The following CTNND2 variants were observed in gnomAD, a reference collection of about 807,000 sequenced individuals.
CTNND2 encodes the protein catenin delta 2, also known as catenin delta-2.
CTNND2 carries 22 observed loss-of-function variants against 144.4 expected under a neutral mutation model. The ratio of observed to expected loss-of-function variants is 0.15; its 90% CI spans 0.11 to 0.22. CTNND2 has a LOEUF of 0.22. Ranked by LOEUF, CTNND2 falls within the 10% of genes least tolerant of loss-of-function variation. CTNND2 has a pLI of 1.00. For missense variants in CTNND2, 1,353 were observed against 1,618.8 expected (o/e 0.84, Z 2.82); for synonymous variants, 751 against 695.6 (o/e 1.08, Z -1.25).
At chr5:11,669,210 T>C (rs1398107099) in intron 2 of CTNND2, among the ~76,000 whole-genome samples, 1 of 152,208 alleles carries the variant, frequency 6.6e-6, no homozygotes, top group African/African-American at 2.4e-5. Flanking sequence ...ATCAGGGATA[T>C]TGGCCTAAAA....
intron 14 of CTNND2, among the ~76,000 whole-genome samples, chr5:11,107,283 T>C (rs1220665361): frequency 6.6e-6 from 1 of 152,264 alleles, no homozygotes; most frequent in African/African-American, 2.4e-5. Context: ...TTATCATTAA[T>C]ATCTACTTTG....
chr5:11,310,469 C>T (rs1384596334), intron 9 of CTNND2, among the ~76,000 whole-genome samples: 1 of 151,972 alleles, frequency 6.6e-6, no homozygotes, highest in African/African-American at 2.4e-5. Context: ...TCTTTTGCGA[C>T]AGCTCACAGA....
chr5:11,725,596 G>GT, intron 2 of CTNND2, among the ~76,000 whole-genome samples: 1 of 152,222 alleles, frequency 6.6e-6, no homozygotes, highest in South Asian at 2.1e-4. Flanking sequence ...AGGTTGTGTA[G>GT]TGTAGTGGGG....
intron 11 of CTNND2, among the ~76,000 whole-genome samples, chr5:11,176,503 C>G (rs769244378): frequency 2.0e-5 from 3 of 152,148 alleles, no homozygotes; most frequent in Non-Finnish European, 4.4e-5. Flanking sequence ...TAGTCATTCA[C>G]TTTACCAAGT....
intron 8 of CTNND2, among the ~76,000 whole-genome samples, chr5:11,348,145 T>G (rs61750698): frequency 2.0e-5 from 3 of 152,180 alleles, no homozygotes; most frequent in Non-Finnish European, 4.4e-5. Context: ...GTTGTCCTGA[T>G]GTGTTAAGTC....
chr5:11,473,592 A>G (rs27686), intron 3 of CTNND2, among the ~76,000 whole-genome samples: 1 of 152,004 alleles, frequency 6.6e-6, no homozygotes, highest in African/African-American at 2.4e-5. Context: ...CTCAACAACT[A>G]CAGGAAATGG....
intron 9 of CTNND2, among the ~76,000 whole-genome samples, chr5:11,296,225 T>C (rs564523361): frequency 6.6e-6 from 1 of 151,910 alleles, no homozygotes; most frequent in East Asian, 1.9e-4. Context: ...AAAAAACACA[T>C]GAAAAAATGC....
chr5:11,442,825 GATT>G (rs1764387074), intron 3 of CTNND2, among the ~76,000 whole-genome samples: 1 of 143,996 alleles, frequency 6.9e-6, no homozygotes. Context: ...AATATATAAT[GATT>G]ATATTATAAT....
At chr5:10,978,802 T>C (rs547498415) in intron 21 of CTNND2, among the ~76,000 whole-genome samples, 3 of 152,362 alleles carry the variant, frequency 2.0e-5, no homozygotes, top group African/African-American at 7.2e-5. Flanking sequence ...AGAAAGGCTA[T>C]GGCTAGGTGG....
At chr5:11,415,476 C>T (rs11954794) in intron 3 of CTNND2, among the ~76,000 whole-genome samples, 6 of 151,944 alleles carry the variant, frequency 3.9e-5, no homozygotes, top group Non-Finnish European at 8.8e-5. Context: ...TTTGTTGGTG[C>T]GTGCCTCTAT....
At chr5:11,482,335 T>G (rs549469624) in intron 3 of CTNND2, among the ~76,000 whole-genome samples, 26 of 152,082 alleles carry the variant, frequency 1.7e-4, no homozygotes, top group Admixed American at 7.2e-4. Context: ...CACCTACACA[T>G]ACAAAATGAA....
chr5:11,471,074 T>C (rs1581266443), intron 3 of CTNND2, among the ~76,000 whole-genome samples: 2 of 149,360 alleles, frequency 1.3e-5, no homozygotes, highest in Admixed American at 1.3e-4. Flanking sequence ...GCCTCCCAGG[T>C]TCAAACCATT....
chr5:11,323,102 A>G (rs1245017759), intron 9 of CTNND2, among the ~76,000 whole-genome samples: 1 of 152,130 alleles, frequency 6.6e-6, no homozygotes, highest in Non-Finnish European at 1.5e-5. Context: ...ACTATGGCAC[A>G]GTCACATCTC....
intron 6 of CTNND2, among the ~76,000 whole-genome samples, chr5:11,394,565 C>T (rs1759904815): frequency 6.6e-6 from 1 of 152,186 alleles, no homozygotes; most frequent in Non-Finnish European, 1.5e-5. Flanking sequence ...GGGTAGTCTA[C>T]TCTCTCTCCT....
intron 3 of CTNND2, among the ~76,000 whole-genome samples, chr5:11,467,316 T>G (rs1766773935): frequency 6.6e-6 from 1 of 152,210 alleles, no homozygotes; most frequent in Non-Finnish European, 1.5e-5. Flanking sequence ...TCCTGCATGG[T>G]TTCTGCTCGT....
intron 2 of CTNND2, among the ~76,000 whole-genome samples, chr5:11,670,907 T>C (rs1174688671): frequency 6.6e-6 from 1 of 152,174 alleles, no homozygotes; most frequent in Admixed American, 6.6e-5. Context: ...TTTGTAGTGG[T>C]TGGTACTGGT....
intron 16 of CTNND2, among the ~76,000 whole-genome samples, chr5:11,059,558 T>G (rs1746714757): frequency 6.6e-6 from 1 of 152,232 alleles, no homozygotes; most frequent in African/African-American, 2.4e-5. Flanking sequence ...GAAAACGAAC[T>G]AATACAGTCT....
At chr5:11,659,249 T>A (rs557483450) in intron 2 of CTNND2, among the ~76,000 whole-genome samples, 1 of 152,276 alleles carries the variant, frequency 6.6e-6, no homozygotes, top group South Asian at 2.1e-4. Flanking sequence ...TGATCTGATG[T>A]ATACAGGAGA....
At chr5:11,170,609 C>A (rs1759808265) in intron 11 of CTNND2, among the ~76,000 whole-genome samples, 1 of 152,026 alleles carries the variant, frequency 6.6e-6, no homozygotes, top group Non-Finnish European at 1.5e-5. Context: ...CACACAGCTA[C>A]AACCTTCTGT....
Sources: allele counts gnomAD v4.1 joint callset (sites outside exome capture counted in the v4.1 genomes callset), GRCh38; gene constraint gnomAD v4.1.1; transcripts MANE v1.5; gene names NCBI Gene and HGNC (gene_info 2026-07-23, HGNC 2026-07-21).